Variants in ST3GAL5 observed in about 807,000 individuals in gnomAD.
ST3GAL5 encodes the protein ST3 beta-galactoside alpha-2,3-sialyltransferase 5, also known as lactosylceramide alpha-2,3-sialyltransferase.
In ST3GAL5, 25 loss-of-function variants were observed where a neutral mutation model predicts 46.1. The observed-to-expected ratio is 0.54, with a 90% CI of 0.40 to 0.76. ST3GAL5 has a LOEUF of 0.76. ST3GAL5 is among the 30% of genes least tolerant of loss of function. The pLI is 0.00. For missense variants in ST3GAL5, 431 were observed against 521.2 expected (o/e 0.83, Z 1.69); for synonymous variants, 182 against 192.7 (o/e 0.94, Z 0.46).
intron 3 of ST3GAL5, 113 bp downstream of exon 3, chr2:85,861,064 CCTCT>C: frequency 1.3e-6 from 1 of 793,566 alleles, no homozygotes; most frequent in Non-Finnish European, 2.1e-6. Flanking sequence ...AGTGCTTTCC[CCTCT>C]GAGTTCAAAC....
chr2:85,888,739 A>G, intron 1 of ST3GAL5, 85 bp downstream of exon 1: 1 of 1,045,206 alleles, frequency 9.6e-7, no homozygotes, highest in Non-Finnish European at 1.2e-6. Context: ...CGCCGCGCCC[A>G]GCCGGCCCGG....
chr2:85,841,864 A>C (rs758040020), intron 6 of ST3GAL5, among the ~76,000 whole-genome samples: 4 of 152,208 alleles, frequency 2.6e-5, no homozygotes, highest in Admixed American at 1.3e-4. Context: ...TACACAGGAC[A>C]GGGAGGAATA....
chr2:85,857,415 T>C (rs1296566975), intron 3 of ST3GAL5, among the ~76,000 whole-genome samples: 1 of 151,510 alleles, frequency 6.6e-6, no homozygotes, highest in African/African-American at 2.4e-5. Flanking sequence ...CACATGCCTG[T>C]AATCCCAGCT....
At chr2:85,862,208 ATG>A (rs1486650741) in intron 2 of ST3GAL5, among the ~76,000 whole-genome samples, 1 of 152,152 alleles carries the variant, frequency 6.6e-6, no homozygotes, top group African/African-American at 2.4e-5. Flanking sequence ...AGTTGGGATT[ATG>A]TATAATGATA....
intron 3 of ST3GAL5, chr2:85,852,967 A>C (rs1683697067): frequency 7.7e-7 from 1 of 1,304,050 alleles, no homozygotes; most frequent in Non-Finnish European, 1.0e-6. Flanking sequence ...TTCAGCAGGG[A>C]GGGCCCTGCT....
At chr2:85,876,497 TCTGTTG>T in intron 1 of ST3GAL5, among the ~76,000 whole-genome samples, 1 of 137,874 alleles carries the variant, frequency 7.3e-6, no homozygotes, top group Non-Finnish European at 1.5e-5. Context: ...GGAGTCTCAC[TCTGTTG>T]CCCAGGCTGC....
intron 1 of ST3GAL5, among the ~76,000 whole-genome samples, chr2:85,879,900 C>T (rs1192393420): frequency 5.3e-5 from 8 of 152,106 alleles, no homozygotes; most frequent in Admixed American, 4.6e-4. Context: ...CAATGAAGAT[C>T]CCACTGCCGC....
Position 85,848,189 on chromosome 2 carries a change from C to T in ST3GAL5, c.334G>A (p.Ala112Thr), listed in dbSNP as rs773350108. The change falls in exon 4 of 7, where the codon GCT becomes ACT. Residue 112 changes from alanine (A) to threonine (T), a missense_variant. By Grantham distance (58) the Ala-to-Thr change is moderately conservative. Coordinates refer to ENST00000638572, the MANE Select transcript of ST3GAL5 (RefSeq NM_003896.4). ...PDHVKRAQKY[A>T]QQVLQKECRP... ...CATTCCTTCTGCAAGACTTGCTGAG[C>T]ATATTTCTGAGCTCTCTGGAATGAA... is the stretch of plus-strand genomic sequence containing the variant. The T allele has an allele frequency of 1.2e-6, 2 of 1,614,188 alleles. No homozygotes were observed. Among genetic ancestry groups the T allele is most frequent in the Non-Finnish European group, 8.5e-7 (1 of 1,180,020 alleles).
chr2:85,840,180 C>G lies in ST3GAL5; in HGVS notation c.1221G>C (p.Val407=). 3 of 1,614,202 alleles carry G rather than the reference C, an allele frequency of 1.9e-6. No individual in the cohort carries two copies. Among genetic ancestry groups the G allele is most frequent in the Non-Finnish European group, 2.5e-6 (3 of 1,180,032 alleles). The stretch of plus-strand genomic sequence containing the variant: ...GATCAATGCCTCCACTGAGATCTTT[C>G]ACCACTCCCTCTTTGACCAGCTTTA... ...FLLKLVKEGV[V]KDLSGGIDRE... Residue 407 remains valine (V), a synonymous_variant, in exon 7 of 7, where the codon GTG becomes GTC. Transcript: ENST00000638572.
intron 1 of ST3GAL5, among the ~76,000 whole-genome samples, chr2:85,886,563 A>C (rs1687787878): frequency 6.6e-6 from 1 of 152,098 alleles, no homozygotes; most frequent in Non-Finnish European, 1.5e-5. Flanking sequence ...GAGGAAAAAA[A>C]AGTTTTGTCT....
At chr2:85,886,171 G>A (rs1283449543) in intron 1 of ST3GAL5, among the ~76,000 whole-genome samples, 1 of 152,256 alleles carries the variant, frequency 6.6e-6, no homozygotes, top group Non-Finnish European at 1.5e-5. Flanking sequence ...GCTCACGCCT[G>A]TAATCTCAGC....
chr2:85,840,713 A>G (rs1286098418), intron 6 of ST3GAL5, among the ~76,000 whole-genome samples: 3 of 152,108 alleles, frequency 2.0e-5, no homozygotes, highest in Non-Finnish European at 4.4e-5. Flanking sequence ...TGGGAGGCCG[A>G]GGTGGGCGGA....
At position 85,838,595 on chromosome 2, in the gene ST3GAL5, A is replaced by T. The variant is rs1681664934; in HGVS notation, c.*1549T>A. The stretch of plus-strand genomic sequence containing the variant: ...TATCTGTAAAGACACAAAACGAGAG[A>T]AATATGACTTTTGCTCTCCTGGCCA... On this transcript the variant is annotated 3_prime_UTR_variant, in exon 7 of 7. Coordinates refer to ENST00000638572, the MANE Select transcript of ST3GAL5 (RefSeq NM_003896.4). The T allele has an allele frequency of 6.6e-6, 1 of 152,248 alleles. No homozygotes were observed. Among genetic ancestry groups the T allele is most frequent in the Admixed American group, 6.5e-5 (1 of 15,284 alleles). The allele number at this position is 152,248 out of a possible 1,614,324, so 9.4% of individuals were successfully genotyped here.
Position 85,847,998 on chromosome 2 carries a change from C to A in ST3GAL5, c.525G>T (p.Leu175Phe). The change falls in exon 4 of 7, where the codon TTG becomes TTT. Residue 175 changes from leucine (L) to phenylalanine (F), a missense_variant. By Grantham distance (22) the Leu-to-Phe change is conservative. Coordinates refer to ENST00000638572, the MANE Select transcript of ST3GAL5 (RefSeq NM_003896.4). ...GGAGGTCGTGCTCTGGCAAGAGTTC[C>A]AAGAGGGTCTGGACTTTACTGGAGA... Reference protein sequence around the residue: ...RKFSSKVQTLLELLPEHDLPE... With the variant: ...RKFSSKVQTLFELLPEHDLPE... 6.2e-7 allele frequency: 1 copy of A among 1,614,082 alleles called. No individual in the cohort carries two copies.
chr2:85,853,377 C>T (rs1558664440), intron 3 of ST3GAL5: 2 of 329,158 alleles, frequency 6.1e-6, no homozygotes, highest in Non-Finnish European at 6.0e-6. Flanking sequence ...ACCAGCGTCA[C>T]CAGACAATGC....
At position 85,844,401 on chromosome 2, in the gene ST3GAL5, C is replaced by G. The variant is rs1192821983; in HGVS notation, c.1003G>C (p.Asp335His). 1 of 1,614,216 alleles carries G rather than the reference C, an allele frequency of 6.2e-7. No homozygotes were observed. Among genetic ancestry groups the G allele is most frequent in the African/African-American group, 1.3e-5 (1 of 75,060 alleles). ...TTGAGTAGCAACAAAAATACCTTAT[C>G]TCGGCCCCAGAACCTTGACTGAGGC... Reference protein sequence around the residue: ...SEPQSRFWGRDKNVPTIGVIA... With the variant: ...SEPQSRFWGRHKNVPTIGVIA... Residue 335 changes from aspartate to histidine, a missense_variant, in exon 6 of 7, where the codon GAT (aspartate) becomes CAT (histidine). Transcript: ENST00000638572.
chr2:85,879,061 T>C (rs1042635795), intron 1 of ST3GAL5, among the ~76,000 whole-genome samples: 1 of 152,158 alleles, frequency 6.6e-6, no homozygotes, highest in East Asian at 1.9e-4. Context: ...GGCTCTCTTA[T>C]GTTACACAAA....
At chr2:85,874,034 T>C (rs1686249034) in intron 1 of ST3GAL5, among the ~76,000 whole-genome samples, 1 of 152,210 alleles carries the variant, frequency 6.6e-6, no homozygotes, top group African/African-American at 2.4e-5. Flanking sequence ...CAGATTCTCC[T>C]ACAAACTGAG....
At chr2:85,857,565 AAGAAG>A (rs1256560492) in intron 3 of ST3GAL5, among the ~76,000 whole-genome samples, 1 of 151,354 alleles carries the variant, frequency 6.6e-6, no homozygotes, top group African/African-American at 2.4e-5. Flanking sequence ...GAGAAAAGGA[AAGAAG>A]AGAAGAGGTT....
Sources: gnomAD v4.1 joint callset for allele counts (sites outside exome capture counted in the v4.1 genomes callset) on GRCh38, gnomAD v4.1.1 for gene constraint, MANE v1.5 for transcripts, NCBI Gene and HGNC (gene_info 2026-07-23, HGNC 2026-07-21) for gene names.